Variants in RSRC1 observed in about 807,000 individuals in gnomAD.
RSRC1 encodes arginine and serine rich coiled-coil 1.
Under a neutral mutation model 49.1 loss-of-function variants are expected in RSRC1, and 39 were observed. The observed-to-expected ratio is 0.79, with a 90% CI of 0.61 to 1.04. The LOEUF is 1.04. Ranked by LOEUF, RSRC1 falls within the 50% of genes least tolerant of loss-of-function variation. The pLI, the probability that RSRC1 is intolerant of heterozygous loss-of-function variation, is 0.00. For synonymous variants in RSRC1, 143 were observed against 130.8 expected (o/e 1.09, Z -0.63); for missense variants, 388 against 402.4 (o/e 0.96, Z 0.31).
At chr3:158,308,096 G>T (rs757510328) in intron 5 of RSRC1, among the ~76,000 whole-genome samples, 2 of 151,888 alleles carry the variant, frequency 1.3e-5, no homozygotes, top group Non-Finnish European at 2.9e-5. Flanking sequence ...TGTAAAAGAA[G>T]CTGGTATGAA....
At chr3:158,324,199 C>G (rs1351511943) in intron 5 of RSRC1, among the ~76,000 whole-genome samples, 1 of 151,226 alleles carries the variant, frequency 6.6e-6, no homozygotes, top group Admixed American at 6.6e-5. Flanking sequence ...ATCATTTGCT[C>G]TTTTAGATAT....
intron 8 of RSRC1, among the ~76,000 whole-genome samples, chr3:158,537,622 G>A (rs1338830169): frequency 1.3e-5 from 2 of 151,384 alleles, no homozygotes; most frequent in African/African-American, 4.8e-5. Flanking sequence ...TTCATTCTTT[G>A]CCCAGATGAT....
chr3:158,509,211 G>T (rs1740025120), intron 7 of RSRC1, among the ~76,000 whole-genome samples: 1 of 152,078 alleles, frequency 6.6e-6, no homozygotes, highest in Non-Finnish European at 1.5e-5. Context: ...ATTTTTGCAT[G>T]TGGATTATTC....
chr3:158,128,342 G>T (rs1715768480), intron 3 of RSRC1, among the ~76,000 whole-genome samples: 1 of 152,170 alleles, frequency 6.6e-6, no homozygotes, highest in Non-Finnish European at 1.5e-5. Context: ...ACTTGGCTTT[G>T]CGCTTGCCCG....
chr3:158,354,866 G>A lies in RSRC1; in HGVS notation c.541G>A (p.Glu181Lys), dbSNP rs773589303. The A allele has an allele frequency of 5.6e-5, 87 of 1,551,786 alleles. No homozygotes were observed. Among genetic ancestry groups the A allele is most frequent in the Non-Finnish European group, 7.0e-5 (81 of 1,151,864 alleles). ...KAGLEHLPPA[E>K]QAKARLQLVL... Reference sequence around the variant, plus strand: ...TTTTTTTCTTTTTTAGCCACCAGCTGAACAGGCCAAAGCCAGACTACAGCT... The same window carrying A: ...TTTTTTTCTTTTTTAGCCACCAGCTAAACAGGCCAAAGCCAGACTACAGCT... Residue 181 changes from glutamate to lysine, a missense_variant, in exon 6 of 10, where the codon GAA becomes AAA. Transcript: ENST00000611884.
chr3:158,279,219 A>G (rs889302196), intron 4 of RSRC1, among the ~76,000 whole-genome samples: 2 of 152,204 alleles, frequency 1.3e-5, no homozygotes, highest in Non-Finnish European at 1.5e-5. Context: ...CAGCAATGCA[A>G]CCTAATGAGA....
intron 6 of RSRC1, among the ~76,000 whole-genome samples, chr3:158,433,713 A>G (rs1461518166): frequency 1.3e-5 from 2 of 151,998 alleles, no homozygotes; most frequent in East Asian, 1.9e-4. Flanking sequence ...TCTATCTAAA[A>G]TCTGTCCAAA....
chr3:158,147,747 G>C (rs556455008), intron 3 of RSRC1, among the ~76,000 whole-genome samples: 10 of 152,184 alleles, frequency 6.6e-5, no homozygotes, highest in African/African-American at 2.4e-4. Flanking sequence ...AAATTCAAAA[G>C]TGTACGTTTT....
intron 1 of RSRC1, among the ~76,000 whole-genome samples, chr3:158,121,027 T>TA (rs1360940485): frequency 1.3e-5 from 2 of 151,832 alleles, no homozygotes; most frequent in African/African-American, 4.8e-5. Context: ...ATGTCCGTGT[T>TA]ACCATAACTA....
intron 6 of RSRC1, among the ~76,000 whole-genome samples, chr3:158,432,999 C>T (rs1448349947): frequency 6.6e-6 from 1 of 151,798 alleles, no homozygotes; most frequent in Non-Finnish European, 1.5e-5. Flanking sequence ...AATTTAATAA[C>T]ACTTGAAATT....
chr3:158,399,557 G>T (rs1211867587), intron 6 of RSRC1, among the ~76,000 whole-genome samples: 1 of 152,114 alleles, frequency 6.6e-6, no homozygotes, highest in Non-Finnish European at 1.5e-5. Context: ...TTAGCAACAT[G>T]TGGCTATTTA....
chr3:158,278,047 A>G (rs1038651288), intron 4 of RSRC1, among the ~76,000 whole-genome samples: 2 of 152,188 alleles, frequency 1.3e-5, no homozygotes, highest in African/African-American at 4.8e-5. Context: ...TTCAGTATTG[A>G]TCCCTAATGT....
At chr3:158,366,053 G>A (rs1376565303) in intron 6 of RSRC1, among the ~76,000 whole-genome samples, 1 of 152,050 alleles carries the variant, frequency 6.6e-6, no homozygotes, top group African/African-American at 2.4e-5. Flanking sequence ...TTAGCCCTTT[G>A]CCAGATGGGT....
intron 3 of RSRC1, among the ~76,000 whole-genome samples, chr3:158,166,541 T>G (rs1041751846): frequency 6.6e-6 from 1 of 152,214 alleles, no homozygotes; most frequent in African/African-American, 2.4e-5. Context: ...ATGTTAATGC[T>G]TAAGGTTAAA....
intron 3 of RSRC1, among the ~76,000 whole-genome samples, chr3:158,198,545 G>T (rs955720654): frequency 3.3e-5 from 5 of 152,140 alleles, no homozygotes; most frequent in African/African-American, 1.2e-4. Flanking sequence ...ATGTTAGCTG[G>T]TTATTTTGCT....
chr3:158,486,104 C>A (rs1234994954), intron 7 of RSRC1, among the ~76,000 whole-genome samples: 2 of 152,172 alleles, frequency 1.3e-5, no homozygotes, highest in African/African-American at 4.8e-5. Flanking sequence ...TTTTTAGAAC[C>A]ATTACAGATA....
chr3:158,516,622 A>T (rs1740552325), intron 7 of RSRC1, among the ~76,000 whole-genome samples: 1 of 152,120 alleles, frequency 6.6e-6, no homozygotes. Context: ...GGTGGGCTCC[A>T]CCCGGTTGGA....
At chr3:158,474,557 T>A (rs1443768940) in intron 7 of RSRC1, among the ~76,000 whole-genome samples, 2 of 152,198 alleles carry the variant, frequency 1.3e-5, no homozygotes, top group Admixed American at 1.3e-4. Context: ...CTTCCTATCA[T>A]GAAAGACTTC....
intron 4 of RSRC1, among the ~76,000 whole-genome samples, chr3:158,206,532 A>G (rs827143): frequency 0.57 from 86,828 of 151,962 alleles, 25,189 homozygotes; most frequent in East Asian, 0.73. Context: ...AGGCAGTGGG[A>G]TGCCAATGTA....
Sources: gnomAD v4.1 joint callset for allele counts (sites outside exome capture counted in the v4.1 genomes callset) on GRCh38, gnomAD v4.1.1 for gene constraint, MANE v1.5 for transcripts, NCBI Gene and HGNC (gene_info 2026-07-23, HGNC 2026-07-21) for gene names.